The following ZNF184 variants were observed in gnomAD, a reference collection of about 807,000 sequenced individuals.
The protein encoded by ZNF184 is zinc finger protein 184, also known as zinc finger protein 184 (Kruppel-like).
In ZNF184, 16 loss-of-function variants were observed where a neutral mutation model predicts 54.4. That is an observed-to-expected ratio of 0.29 (90% confidence interval 0.20 to 0.45). The LOEUF (loss-of-function observed/expected upper bound fraction) is 0.45, where lower values mean the gene tolerates loss of function less well. Among genes scored for constraint, ZNF184 ranks in the 20% least tolerant of loss-of-function variants. The pLI, the probability that ZNF184 is intolerant of heterozygous loss-of-function variation, is 1.00. For synonymous variants in ZNF184, 254 were observed against 295.3 expected, an observed-to-expected ratio of 0.86 and a Z score of 1.43; for missense variants, 681 against 888.2, an observed-to-expected ratio of 0.77 and a Z score of 2.97.
Position 27,452,682 on chromosome 6 carries a change from G to C in ZNF184, c.877C>G (p.Leu293Val). ...CGKGFIEGPS[L>V]TQHQRIHTGE... is the part of the protein sequence containing the mutation. ...GTATGAATTCTTTGATGTTGAGTAA[G>C]AGATGGACCCTCAATGAAGCCTTTT... The change falls in exon 6 of 6, where the codon CTT becomes GTT. Residue 293 changes from leucine (L) to valine (V), a missense_variant. Leu to Val is a conservative substitution (Grantham distance 32). Coordinates refer to ENST00000683788, the MANE Select transcript of ZNF184 (RefSeq NM_001318891.2). This position sits in a 1 kb window ranked among gnomAD's most constrained non-coding sequence, Gnocchi z 5.5. The C allele has an allele frequency of 1.9e-6, 3 of 1,614,022 alleles. No homozygotes were observed. The highest frequency in any genetic ancestry group is 1.3e-5 in the African/African-American group (1 of 75,004).
the ZNF184 span, among the ~76,000 whole-genome samples, chr6:27,412,623 G>T: frequency 4.3e-4 from 65 of 152,312 alleles, 1 homozygote; most frequent in African/African-American, 1.5e-3. Flanking sequence ...CCAAATATGA[G>T]TGACCATGGC....
In ZNF184 at chr6:27,470,025, A is replaced by G. The variant is rs537394079; in HGVS notation, c.8-2105T>C. ...ATTGCACCACTAAGGTGCAAGGGCA[A>G]TCTCTTTGGGATACCACCATTAGGG... On this transcript the variant is annotated intron_variant, in intron 2 of 5. Transcript: ENST00000683788. Among the ~76,000 whole-genome samples, 9 of 152,374 alleles carry G rather than the reference A, an allele frequency of 5.9e-5. No homozygotes were observed. In the South Asian group the frequency reaches 1.2e-3, roughly 21 times the overall value.
At chr6:27,408,071 A>G in the ZNF184 span, 7 of 813,658 alleles carry the variant, frequency 8.6e-6, no homozygotes, top group African/African-American at 1.2e-4. Flanking sequence ...GATAATGCAA[A>G]TTAACTCATT....
chr6:27,414,681 A>G, the ZNF184 span, among the ~76,000 whole-genome samples: 2 of 151,916 alleles, frequency 1.3e-5, no homozygotes, highest in Non-Finnish European at 2.9e-5. Context: ...AAATTATGAT[A>G]CATATCCCAT....
At chr6:27,461,275 G>C (rs1382988691) in intron 3 of ZNF184, among the ~76,000 whole-genome samples, 1 of 152,106 alleles carries the variant, frequency 6.6e-6, no homozygotes, top group Non-Finnish European at 1.5e-5. Flanking sequence ...ACAGAGGGAG[G>C]ACTCAGAAGC....
the ZNF184 span, among the ~76,000 whole-genome samples, chr6:27,442,842 G>T: frequency 1.8e-5 from 1 of 55,332 alleles, no homozygotes; most frequent in African/African-American, 7.2e-5. Flanking sequence ...AAGAAAGAAA[G>T]AAAGAAAGAA....
chr6:27,428,312 A>T, the ZNF184 span, among the ~76,000 whole-genome samples: 8 of 152,168 alleles, frequency 5.3e-5, no homozygotes, highest in Non-Finnish European at 1.0e-4. The surrounding 1 kb of genome is among the most constrained non-coding windows in gnomAD (Gnocchi z 4.1). Flanking sequence ...CTGGAAAGGG[A>T]TGAAGTCATG....
At chr6:27,468,457 T>C (rs1284327154) in intron 2 of ZNF184, among the ~76,000 whole-genome samples, 1 of 152,236 alleles carries the variant, frequency 6.6e-6, no homozygotes, top group Admixed American at 6.5e-5. Flanking sequence ...CAACCACTTA[T>C]GAAAACTGGT....
At chr6:27,444,093 G>A in the ZNF184 span, among the ~76,000 whole-genome samples, 1 of 152,082 alleles carries the variant, frequency 6.6e-6, no homozygotes, top group Non-Finnish European at 1.5e-5. Flanking sequence ...CATTTCTTTA[G>A]TCAATTCACT....
At position 27,452,437 on chromosome 6, in the gene ZNF184, G is replaced by A. The variant is rs565900734; in HGVS notation, c.1122C>T (p.Ser374=). The change falls in exon 6 of 6, where the codon AGC becomes AGT. Residue 374 remains serine (S), a synonymous_variant. Transcript: ENST00000683788. This position sits in a 1 kb window ranked among gnomAD's most constrained non-coding sequence, Gnocchi z 5.5. ...TTTTTTGATGTTGAGTAAGGTGTGT[G>A]CTCCTGGTGAAGGTTTTATCACATT... ...CDECDKTFTR[S]THLTQHQKIH... is the part of the protein sequence containing the mutation. 2 of 1,613,994 alleles carry A rather than the reference G, an allele frequency of 1.2e-6. No individual in the cohort carries two copies. Among genetic ancestry groups the A allele is most frequent in the South Asian group, 1.1e-5 (1 of 91,058 alleles).
Position 27,451,345 on chromosome 6 carries a change from G to T in ZNF184, c.2214C>A (p.Arg738=). ...GTCTCTGATGTTTGTTGAGAGCAGA[G>T]CGATATCTGAAGGATTTTCCACAAT... is the stretch of plus-strand genomic sequence containing the variant. ...CNDCGKSFRY[R]SALNKHQRLH... The change falls in exon 6 of 6, where the codon CGC becomes CGA. Residue 738 remains arginine (R), a synonymous_variant. Coordinates refer to ENST00000683788, the MANE Select transcript of ZNF184 (RefSeq NM_001318891.2). The T allele has an allele frequency of 6.2e-7, 1 of 1,613,526 alleles. No homozygotes were observed. Among genetic ancestry groups the T allele is most frequent in the Non-Finnish European group, 8.5e-7 (1 of 1,179,688 alleles).
At chr6:27,420,881 A>G in the ZNF184 span, among the ~76,000 whole-genome samples, 2 of 152,258 alleles carry the variant, frequency 1.3e-5, no homozygotes, top group East Asian at 3.8e-4. Context: ...AAACAGCAGT[A>G]CATCCAGACA....
At position 27,451,050 on chromosome 6, in the gene ZNF184, GA is replaced by G; in HGVS notation, c.*252del. The G allele has an allele frequency of 2.6e-6, 1 of 380,080 alleles. No homozygotes were observed. Among genetic ancestry groups the G allele is most frequent in the East Asian group, 4.0e-5 (1 of 24,756 alleles). 23.5% of individuals were successfully genotyped at this position (380,080 alleles called of 1,614,324 possible). On this transcript the variant is annotated 3_prime_UTR_variant, in exon 6 of 6. Coordinates refer to ENST00000683788, the MANE Select transcript of ZNF184 (RefSeq NM_001318891.2). ...GATTATAAAACTCCAAACTACCTTT[GA>G]AATAATCTACTCCAAATCCTTCATT...
intron 3 of ZNF184, among the ~76,000 whole-genome samples, chr6:27,458,194 T>G (rs1267248728): frequency 6.7e-6 from 1 of 150,294 alleles, no homozygotes; most frequent in African/African-American, 2.5e-5. Flanking sequence ...AAGGCAAAAT[T>G]TACATGATGG....
At chr6:27,413,167 A>G in the ZNF184 span, among the ~76,000 whole-genome samples, 1 of 152,222 alleles carries the variant, frequency 6.6e-6, no homozygotes, top group Admixed American at 6.5e-5. Context: ...CTGAGGCAGG[A>G]GAATCACTTG....
chr6:27,424,468 G>T, the ZNF184 span, among the ~76,000 whole-genome samples: 2 of 152,138 alleles, frequency 1.3e-5, no homozygotes, highest in African/African-American at 4.8e-5. Context: ...GTTTTGACAG[G>T]GCGCTGATTG....
rs1023784658 is a variant in ZNF184, at chr6:27,472,102, C to G, written c.7+186G>C. Among the ~76,000 whole-genome samples, 6 of 152,130 alleles carry G rather than the reference C, an allele frequency of 3.9e-5. No homozygotes were observed. Among genetic ancestry groups the G allele is most frequent in the African/African-American group, 1.4e-4 (6 of 41,412 alleles). ...TGGAACGAAAGAAAAAAATAAACTC[C>G]TCTCCCAAGTATCTCTCTATAAAAC... is the stretch of plus-strand genomic sequence containing the variant. On this transcript the variant is annotated intron_variant, in intron 2 of 5. Transcript: ENST00000683788. The surrounding 1 kb of genome is among the most constrained non-coding windows in gnomAD (Gnocchi z 4.8).
At chr6:27,447,520 C>T (rs1012375860), downstream of ZNF184, among the ~76,000 whole-genome samples, 7 of 151,990 alleles carry the variant, frequency 4.6e-5, no homozygotes, top group Non-Finnish European at 5.9e-5. Context: ...CAAGACCAGC[C>T]TGGCCAACAT....
chr6:27,442,441 G>A, the ZNF184 span, among the ~76,000 whole-genome samples: 90,573 of 151,610 alleles, frequency 0.6, 27,332 homozygotes, highest in Middle Eastern at 0.75. Flanking sequence ...GAAACAAAGT[G>A]AGACCCTGTC....
Sources: allele counts gnomAD v4.1 joint callset (sites outside exome capture counted in the v4.1 genomes callset), GRCh38; gene constraint gnomAD v4.1.1; non-coding constraint Gnocchi (gnomAD v3.1); transcripts MANE v1.5; gene names NCBI Gene and HGNC (gene_info 2026-07-23, HGNC 2026-07-21).